Variants in CTNNA3 observed in about 807,000 individuals in gnomAD.
CTNNA3 encodes catenin alpha-3.
A neutral mutation model predicts 95.7 loss-of-function variants in CTNNA3; 76 were observed. The observed-to-expected ratio is 0.79, with a 90% CI of 0.66 to 0.96. CTNNA3 has a LOEUF of 0.96. CTNNA3 is among the 40% of genes least tolerant of loss of function. CTNNA3 has a pLI of 0.00. For missense variants in CTNNA3, 1,191 were observed against 1,089.8 expected (o/e 1.09, Z -1.31); for synonymous variants, 431 against 374.4 (o/e 1.15, Z -1.74).
intron 5 of CTNNA3, among the ~76,000 whole-genome samples, chr10:67,424,975 T>G (rs921297590): frequency 6.6e-6 from 1 of 152,110 alleles, no homozygotes; most frequent in Non-Finnish European, 1.5e-5. Context: ...TTAAAAAGCG[T>G]GTATTAGAAA....
intron 5 of CTNNA3, among the ~76,000 whole-genome samples, chr10:67,384,015 C>A (rs1844049544): frequency 6.6e-6 from 1 of 151,872 alleles, no homozygotes; most frequent in Admixed American, 6.6e-5. Flanking sequence ...CCATTTACAC[C>A]ATTAGATTGT....
At chr10:67,307,866 A>G (rs978712010) in intron 5 of CTNNA3, among the ~76,000 whole-genome samples, 1 of 152,140 alleles carries the variant, frequency 6.6e-6, no homozygotes, top group Non-Finnish European at 1.5e-5. Flanking sequence ...ATCACTCGGG[A>G]CCTATAAAGG....
chr10:67,633,489 A>T (rs963215230), intron 2 of CTNNA3, among the ~76,000 whole-genome samples: 1 of 152,252 alleles, frequency 6.6e-6, no homozygotes. Context: ...GAACAGCAAC[A>T]TGTCAGTACC....
chr10:66,110,218 C>A (rs1032787734), intron 13 of CTNNA3, among the ~76,000 whole-genome samples: 2 of 151,684 alleles, frequency 1.3e-5, no homozygotes, highest in African/African-American at 4.8e-5. Context: ...AAAAATTAGA[C>A]GGGTGTGGTG....
At chr10:67,641,776 G>A (rs567325714) in intron 2 of CTNNA3, among the ~76,000 whole-genome samples, 6 of 152,082 alleles carry the variant, frequency 3.9e-5, no homozygotes, top group South Asian at 4.2e-4. Flanking sequence ...CAAACACCAC[G>A]TGTTCTCACT....
At chr10:67,635,622 C>A (rs1564798237) in intron 2 of CTNNA3, among the ~76,000 whole-genome samples, 1 of 152,076 alleles carries the variant, frequency 6.6e-6, no homozygotes, top group Admixed American at 6.6e-5. Context: ...TTCAACATCC[C>A]TTCATGTTAA....
intron 9 of CTNNA3, among the ~76,000 whole-genome samples, chr10:66,719,073 G>A (rs1484156019): frequency 1.3e-4 from 20 of 152,098 alleles, no homozygotes; most frequent in Non-Finnish European, 2.9e-5. Flanking sequence ...CTCCAAATAT[G>A]CTGTGCAAAG....
At chr10:66,020,724 A>G (rs1267674558) in intron 15 of CTNNA3, among the ~76,000 whole-genome samples, 1 of 148,834 alleles carries the variant, frequency 6.7e-6, no homozygotes, top group African/African-American at 2.5e-5. Flanking sequence ...CTGGAGTGCA[A>G]TGGCACGATC....
At chr10:66,963,273 T>C (rs893697808) in intron 7 of CTNNA3, among the ~76,000 whole-genome samples, 1 of 152,154 alleles carries the variant, frequency 6.6e-6, no homozygotes, top group Non-Finnish European at 1.5e-5. Flanking sequence ...ACAAACAGAC[T>C]TTTAGCTTTG....
chr10:67,126,819 T>A (rs1859742281), intron 7 of CTNNA3, among the ~76,000 whole-genome samples: 1 of 152,164 alleles, frequency 6.6e-6, no homozygotes, highest in African/African-American at 2.4e-5. Context: ...AATGAGACAC[T>A]CTGAGCCTTG....
intron 15 of CTNNA3, among the ~76,000 whole-genome samples, chr10:66,001,671 C>A (rs189252152): frequency 6.6e-5 from 10 of 152,170 alleles, no homozygotes; most frequent in Admixed American, 3.9e-4. Flanking sequence ...CATCAAATGT[C>A]ATTTTTTCTT....
intron 5 of CTNNA3, among the ~76,000 whole-genome samples, chr10:67,312,189 T>C (rs1356096961): frequency 6.6e-6 from 1 of 151,784 alleles, no homozygotes; most frequent in Non-Finnish European, 1.5e-5. Context: ...TCTCCTGCCT[T>C]AGATTTGCAA....
chr10:66,283,544 C>T (rs1212406018), intron 12 of CTNNA3, among the ~76,000 whole-genome samples: 2 of 151,820 alleles, frequency 1.3e-5, no homozygotes, highest in South Asian at 4.1e-4. Flanking sequence ...AAAAATACAA[C>T]ACAGCCTTTT....
chr10:66,288,368 T>A (rs1429712440), intron 12 of CTNNA3, among the ~76,000 whole-genome samples: 3 of 149,748 alleles, frequency 2.0e-5, no homozygotes, highest in South Asian at 2.1e-4. Context: ...ATAAAAAAAA[T>A]AAAATTCAAT....
At chr10:67,627,706 A>C (rs1372615592) in intron 2 of CTNNA3, among the ~76,000 whole-genome samples, 1 of 152,078 alleles carries the variant, frequency 6.6e-6, no homozygotes, top group African/African-American at 2.4e-5. Flanking sequence ...GTATCTGTTA[A>C]TGAGCAAAAA....
chr10:67,571,799 G>A (rs146773599), intron 3 of CTNNA3, among the ~76,000 whole-genome samples: 2,112 of 152,294 alleles, frequency 0.014, 23 homozygotes, highest in South Asian at 0.034. Flanking sequence ...GCATGTGGCC[G>A]CTGAGCACTT....
At chr10:66,175,986 T>C (rs2085687455) in intron 13 of CTNNA3, among the ~76,000 whole-genome samples, 1 of 152,172 alleles carries the variant, frequency 6.6e-6, no homozygotes, top group African/African-American at 2.4e-5. Flanking sequence ...AATTAGGTAA[T>C]TTTTCTATCA....
At chr10:65,971,651 C>T (rs1275370354) in intron 16 of CTNNA3, among the ~76,000 whole-genome samples, 4 of 151,862 alleles carry the variant, frequency 2.6e-5, no homozygotes, top group Non-Finnish European at 5.9e-5. Flanking sequence ...AGACCAAAAT[C>T]GAGTTCCTAA....
chr10:66,374,564 T>G (rs1428210579), intron 12 of CTNNA3, among the ~76,000 whole-genome samples: 1 of 151,486 alleles, frequency 6.6e-6, no homozygotes, highest in African/African-American at 2.4e-5. Context: ...AATATGAGTG[T>G]CTTTTTCTCC....
Sources: allele counts gnomAD v4.1 joint callset (sites outside exome capture counted in the v4.1 genomes callset), GRCh38; gene constraint gnomAD v4.1.1; transcripts MANE v1.5; gene names NCBI Gene and HGNC (gene_info 2026-07-23, HGNC 2026-07-21).